The following PEBP4 variants were observed in gnomAD, a reference collection of about 807,000 sequenced individuals.
The protein encoded by PEBP4 is phosphatidylethanolamine binding protein 4.
A neutral mutation model predicts 23.9 loss-of-function variants in PEBP4; 22 were observed. The ratio of observed to expected loss-of-function variants is 0.92; its 90% CI spans 0.66 to 1.31. The LOEUF is 1.31. PEBP4 is among the 40% of genes most tolerant of loss of function. The probability of loss-of-function intolerance (pLI) is 0.00; values close to 1 mark genes in which losing one functional copy is unlikely to be tolerated. For missense variants in PEBP4, 324 were observed against 281.7 expected, an observed-to-expected ratio of 1.15 and a Z score of -1.07; for synonymous variants, 112 against 99.3, an observed-to-expected ratio of 1.13 and a Z score of -0.76.
At chr8:22,909,983 G>A (rs1186403631) in intron 3 of PEBP4, among the ~76,000 whole-genome samples, 1 of 152,216 alleles carries the variant, frequency 6.6e-6, no homozygotes, top group African/African-American at 2.4e-5. Flanking sequence ...GTCTCACCAC[G>A]CCATGTAATA....
chr8:22,890,805 G>A (rs1007350349), intron 3 of PEBP4, among the ~76,000 whole-genome samples: 1 of 152,182 alleles, frequency 6.6e-6, no homozygotes, highest in Non-Finnish European at 1.5e-5. Context: ...TGGGAATAAA[G>A]TTCTTTCCTC....
chr8:22,749,805 C>CTTTTTTTTTGTTTTTTTTT (rs1805209726), intron 4 of PEBP4, among the ~76,000 whole-genome samples: 2 of 83,762 alleles, frequency 2.4e-5, no homozygotes, highest in African/African-American at 3.9e-5. Context: ...GTTTGTCATT[C>CTTTTTTTTTGTTTTTTTTT]TTTTTTTTTT....
At chr8:22,901,438 T>C (rs1808708017) in intron 3 of PEBP4, among the ~76,000 whole-genome samples, 1 of 152,088 alleles carries the variant, frequency 6.6e-6, no homozygotes. Flanking sequence ...CTACCTAGGA[T>C]CGGTCCTGCA....
intron 4 of PEBP4, among the ~76,000 whole-genome samples, chr8:22,784,379 A>G (rs1050750685): frequency 6.6e-6 from 1 of 152,154 alleles, no homozygotes; most frequent in Non-Finnish European, 1.5e-5. Context: ...GAAGGAAGGG[A>G]AGGGACAGAG....
At chr8:22,795,423 C>G (rs1397191848) in intron 4 of PEBP4, among the ~76,000 whole-genome samples, 1 of 151,980 alleles carries the variant, frequency 6.6e-6, no homozygotes, top group Non-Finnish European at 1.5e-5. Flanking sequence ...GATCCGCCTG[C>G]CTTGGCCTCC....
intron 4 of PEBP4, among the ~76,000 whole-genome samples, chr8:22,785,498 G>A (rs1253823397): frequency 6.6e-6 from 1 of 152,158 alleles, no homozygotes; most frequent in Admixed American, 6.5e-5. Context: ...GCAAATTGAG[G>A]TCGGCGGTCT....
At chr8:22,849,168 T>A (rs28635682) in intron 3 of PEBP4, among the ~76,000 whole-genome samples, 4,104 of 152,344 alleles carry the variant, frequency 0.027, 196 homozygotes, top group African/African-American at 0.094. Context: ...GCAGTTCTAA[T>A]AGATGACTTC....
At position 22,832,860 on chromosome 8, in the gene PEBP4, T is replaced by C. The variant is rs566685277; in HGVS notation, c.259-15125A>G. 4.6e-5 allele frequency among the ~76,000 whole-genome samples: 7 copies of C among 152,226 alleles called. No individual in the cohort carries two copies. The South Asian group carries it at 1.2e-3, about 27-fold the overall frequency. ...CCCACCCCAGAGCACATTCTTCAAA[T>C]GCCAGCCACCCACCCACAGCCCCCA... On this transcript the variant is annotated intron_variant, in intron 3 of 6. Transcript: ENST00000256404.
intron 3 of PEBP4, among the ~76,000 whole-genome samples, chr8:22,822,436 G>T (rs1286158684): frequency 6.6e-6 from 1 of 151,794 alleles, no homozygotes; most frequent in African/African-American, 2.4e-5. Context: ...ACACATCCAA[G>T]AAAGTAATAA....
chr8:22,772,409 CATGCCCATTAT>C (rs1169351826), intron 4 of PEBP4, among the ~76,000 whole-genome samples: 1 of 151,896 alleles, frequency 6.6e-6, no homozygotes, highest in Non-Finnish European at 1.5e-5. Flanking sequence ...TCCTGGGTTC[CATGCCCATTAT>C]ATACCTTATT....
intron 3 of PEBP4, among the ~76,000 whole-genome samples, chr8:22,838,695 G>GCCGCCAGGC (rs1168104228): frequency 3.9e-5 from 6 of 152,396 alleles, no homozygotes; most frequent in African/African-American, 1.2e-4. Context: ...CTGGGGCGAT[G>GCCGCCAGGC]CTGCCAGGCC....
chr8:22,910,238 T>A (rs984055769), intron 3 of PEBP4, among the ~76,000 whole-genome samples: 5 of 152,236 alleles, frequency 3.3e-5, no homozygotes, highest in Non-Finnish European at 7.3e-5. Flanking sequence ...AGCACTGACG[T>A]GCTACAAATA....
At chr8:22,924,349 C>A (rs560422613) in intron 2 of PEBP4, among the ~76,000 whole-genome samples, 46 of 152,174 alleles carry the variant, frequency 3.0e-4, no homozygotes, top group Admixed American at 9.2e-4. Context: ...AAGTGACAGA[C>A]AAGACTCTGT....
At chr8:22,861,790 T>C (rs951201234) in intron 3 of PEBP4, among the ~76,000 whole-genome samples, 2 of 151,980 alleles carry the variant, frequency 1.3e-5, no homozygotes, top group African/African-American at 4.8e-5. Context: ...GACAGAGAGG[T>C]ATGGGGTAGG....
At chr8:22,794,430 C>T (rs146203154) in intron 4 of PEBP4, among the ~76,000 whole-genome samples, 3 of 152,176 alleles carry the variant, frequency 2.0e-5, no homozygotes, top group East Asian at 1.9e-4. Flanking sequence ...GGACTATAGG[C>T]GGAGGCCCCT....
chr8:22,864,492 G>A (rs1278300345), intron 3 of PEBP4, among the ~76,000 whole-genome samples: 7 of 152,192 alleles, frequency 4.6e-5, no homozygotes, highest in Non-Finnish European at 1.0e-4. Context: ...TAGACCATAG[G>A]AGACGAGGGG....
chr8:22,932,949 G>A (rs1809480883), intron 1 of PEBP4, among the ~76,000 whole-genome samples: 2 of 150,642 alleles, frequency 1.3e-5, no homozygotes, highest in Admixed American at 6.6e-5. Context: ...AGATTGCAGT[G>A]AGCCAAGATC....
intron 4 of PEBP4, among the ~76,000 whole-genome samples, chr8:22,736,931 AAT>A (rs1189085196): frequency 6.6e-6 from 1 of 152,176 alleles, no homozygotes; most frequent in Admixed American, 6.5e-5. Flanking sequence ...TGTGATTTTA[AAT>A]ACCATTGTAG....
intron 4 of PEBP4, among the ~76,000 whole-genome samples, chr8:22,761,795 C>T (rs1288771433): frequency 6.6e-6 from 1 of 152,152 alleles, no homozygotes; most frequent in South Asian, 2.1e-4. Context: ...TTTTCTGTCT[C>T]CTTCTTTCTC....
Sources: allele counts gnomAD v4.1 joint callset (sites outside exome capture counted in the v4.1 genomes callset), GRCh38; gene constraint gnomAD v4.1.1; transcripts MANE v1.5; gene names NCBI Gene and HGNC (gene_info 2026-07-23, HGNC 2026-07-21).